The following BOC variants were observed in gnomAD, a reference collection of about 807,000 sequenced individuals.
The protein encoded by BOC is BOC cell adhesion associated, oncogene regulated.
Under a neutral mutation model 112.0 loss-of-function variants are expected in BOC, and 76 were observed. The observed-to-expected ratio is 0.68, with a 90% CI of 0.56 to 0.82. The LOEUF is 0.82. Among genes scored for constraint, BOC ranks in the 40% least tolerant of loss-of-function variants. BOC has a pLI of 0.00. For synonymous variants in BOC, 580 were observed against 599.8 expected (o/e 0.97, Z 0.48); for missense variants, 1,309 against 1,511.7 (o/e 0.87, Z 2.22).
chr3:113,219,484 G>A (rs1940153923), intron 2 of BOC, among the ~76,000 whole-genome samples: 1 of 152,236 alleles, frequency 6.6e-6, no homozygotes, highest in Admixed American at 6.5e-5. Context: ...TTAAATAATT[G>A]TAGGGACTTG....
intron 18 of BOC, among the ~76,000 whole-genome samples, chr3:113,285,115 A>G (rs1405903960): frequency 1.3e-5 from 2 of 152,238 alleles, no homozygotes; most frequent in African/African-American, 4.8e-5. Flanking sequence ...AGCACCCACC[A>G]CAACTGACTT....
At chr3:113,260,053 T>C (rs1425906044) in intron 4 of BOC, among the ~76,000 whole-genome samples, 1 of 152,194 alleles carries the variant, frequency 6.6e-6, no homozygotes, top group Non-Finnish European at 1.5e-5. Context: ...CCGGCTTCCT[T>C]AGTACCTTGG....
At chr3:113,233,148 GGTGTGTGTGTGT>G (rs59444901) in intron 2 of BOC, among the ~76,000 whole-genome samples, 57 of 124,026 alleles carry the variant, frequency 4.6e-4, no homozygotes, top group Middle Eastern at 3.9e-3. Context: ...AAAGGATTGG[GGTGTGTGTGTGT>G]GTGTGTGTGT....
At chr3:113,215,474 A>G (rs1236141296) in intron 1 of BOC, among the ~76,000 whole-genome samples, 2 of 152,172 alleles carry the variant, frequency 1.3e-5, no homozygotes, top group African/African-American at 2.4e-5. Context: ...CTCTACTGCC[A>G]CCCAGTTAGA....
chr3:113,283,610 G>A lies in BOC; in HGVS notation c.2634G>A (p.Leu878=). The change falls in exon 16 of 20, where the codon TTG becomes TTA. Residue 878 remains leucine, a synonymous_variant. Coordinates refer to ENST00000682979, the MANE Select transcript of BOC (RefSeq NM_001378074.1). ...LIIVTFIPFC[L]WRAWSKQKHT... The stretch of plus-strand genomic sequence containing the variant: ...TCGTCACCTTCATCCCCTTCTGCTT[G>A]TGGAGGGCCTGGTCTAAGCAAAGTG... 1 of 1,613,744 alleles carries A rather than the reference G, an allele frequency of 6.2e-7. No individual in the cohort carries two copies. Among genetic ancestry groups the A allele is most frequent in the Non-Finnish European group, 8.5e-7 (1 of 1,179,958 alleles).
At chr3:113,233,148 G>GGTGTGTGTGTGTGTGTGTGT (rs59444901) in intron 2 of BOC, among the ~76,000 whole-genome samples, 1 of 123,960 alleles carries the variant, frequency 8.1e-6, no homozygotes, top group Non-Finnish European at 1.7e-5. Context: ...AAAGGATTGG[G>GGTGTGTGTGTGTGTGTGTGT]GTGTGTGTGT....
chr3:113,278,233 A>T lies in BOC; in HGVS notation c.1681A>T (p.Thr561Ser), dbSNP rs887308881. 1 of 1,614,218 alleles carries T rather than the reference A, an allele frequency of 6.2e-7. No homozygotes were observed. Among genetic ancestry groups the T allele is most frequent in the Non-Finnish European group, 8.5e-7 (1 of 1,180,038 alleles). Residue 561 changes from threonine (T) to serine (S), a missense_variant, in exon 10 of 20, where the codon ACA (threonine) becomes TCA (serine). Physicochemically the swap from Thr to Ser is moderately conservative, Grantham distance 58. Coordinates refer to ENST00000682979, the MANE Select transcript of BOC (RefSeq NM_001378074.1). This position sits in a 1 kb window ranked among gnomAD's most constrained non-coding sequence, Gnocchi z 4.2. Reference sequence around the variant, plus strand: ...TTACAACTGTGCGGGAGAGGGCCAGACAGCCATGGTCACCTTCCGAACTGG... The same window carrying T: ...TTACAACTGTGCGGGAGAGGGCCAGTCAGCCATGGTCACCTTCCGAACTGG... ...AAYNCAGEGQ[T>S]AMVTFRTGRR...
intron 2 of BOC, among the ~76,000 whole-genome samples, chr3:113,219,710 C>T (rs576383109): frequency 6.6e-6 from 1 of 152,324 alleles, no homozygotes; most frequent in African/African-American, 2.4e-5. Context: ...AAATTTAAAA[C>T]TGGGACTACA....
At chr3:113,254,431 G>A (rs1270322092) in intron 4 of BOC, among the ~76,000 whole-genome samples, 1 of 152,154 alleles carries the variant, frequency 6.6e-6, no homozygotes, top group East Asian at 1.9e-4. Flanking sequence ...AGTGAAAGGG[G>A]TGCTGTCTTT....
chr3:113,271,142 C>T, intron 6 of BOC, 198 bp downstream of exon 6: 2 of 747,248 alleles, frequency 2.7e-6, no homozygotes, highest in Non-Finnish European at 4.7e-6. Flanking sequence ...CAGCATCTCA[C>T]AGCACACAGC....
chr3:113,270,464 C>T (rs972638692), intron 5 of BOC: 3 of 241,748 alleles, frequency 1.2e-5, no homozygotes, highest in Non-Finnish European at 2.4e-5. Flanking sequence ...TGGCTGATTC[C>T]AAATCCTGCT....
intron 4 of BOC, among the ~76,000 whole-genome samples, chr3:113,260,667 T>TAGAATAGAAC (rs1466077581): frequency 1.2e-4 from 15 of 126,402 alleles, no homozygotes; most frequent in African/African-American, 4.8e-4. Flanking sequence ...TAGAATAGAA[T>TAGAATAGAAC]AGAACAGAAC....
intron 4 of BOC, among the ~76,000 whole-genome samples, chr3:113,254,829 A>G (rs1946058128): frequency 6.6e-6 from 1 of 152,182 alleles, no homozygotes. Context: ...TTGAGGATTC[A>G]GGGGTGGAGG....
chr3:113,259,752 GA>G (rs1282461268), intron 4 of BOC, among the ~76,000 whole-genome samples: 3 of 152,042 alleles, frequency 2.0e-5, no homozygotes, highest in African/African-American at 7.2e-5. Context: ...TAAACAAAAG[GA>G]AAAAAACTTG....
Position 113,287,237 on chromosome 3 carries a change from G to A in BOC, c.*375G>A, listed in dbSNP as rs1429636453. On this transcript the variant is annotated 3_prime_UTR_variant, in exon 20 of 20. Coordinates refer to ENST00000682979, the MANE Select transcript of BOC (RefSeq NM_001378074.1). ...GGTTCATCACGAGCATGAGGGAACA[G>A]CAAGGGGCACGGTATCACAGCCTGG... The A allele has an allele frequency of 1.4e-5, 5 of 359,636 alleles. No individual in the cohort carries two copies. Among genetic ancestry groups the A allele is most frequent in the Admixed American group, 7.9e-5 (2 of 25,320 alleles). 22.3% of individuals were successfully genotyped at this position (359,636 alleles called of 1,614,324 possible).
rs1948871071 is a variant in BOC at position 113,278,495 on chromosome 3, A to G, written c.1706-178A>G. Among the ~76,000 whole-genome samples the G allele has an allele frequency of 6.6e-6, 1 of 151,966 alleles. No individual in the cohort carries two copies. Among genetic ancestry groups the G allele is most frequent in the Non-Finnish European group, 1.5e-5 (1 of 67,980 alleles). On this transcript the variant is annotated intron_variant, in intron 10 of 19. Coordinates refer to ENST00000682979, the MANE Select transcript of BOC (RefSeq NM_001378074.1). The surrounding 1 kb of genome is among the most constrained non-coding windows in gnomAD (Gnocchi z 4.2). ...TCCCTCTCTCACACAGGGGCCAGCA[A>G]TAGTACCACAACAGAACCAGTCTCG...
intron 3 of BOC, among the ~76,000 whole-genome samples, chr3:113,250,191 C>T (rs934045405): frequency 3.3e-5 from 5 of 152,196 alleles, no homozygotes; most frequent in Non-Finnish European, 7.3e-5. Flanking sequence ...GCAATTTACA[C>T]ATATCGTTTG....
intron 1 of BOC, among the ~76,000 whole-genome samples, chr3:113,214,768 A>G (rs1448905764): frequency 6.6e-6 from 1 of 152,192 alleles, no homozygotes; most frequent in African/African-American, 2.4e-5. Flanking sequence ...AACATATGTA[A>G]CTTCTTGTCA....
intron 7 of BOC, 129 bp from the exon 8 acceptor site, chr3:113,272,940 A>G (rs1948288259): frequency 2.4e-6 from 3 of 1,239,730 alleles, no homozygotes; most frequent in East Asian, 4.7e-5. Flanking sequence ...CCTTCCCTCT[A>G]CTCTGCCCAT....
Sources: allele counts gnomAD v4.1 joint callset (sites outside exome capture counted in the v4.1 genomes callset), GRCh38; gene constraint gnomAD v4.1.1; non-coding constraint Gnocchi (gnomAD v3.1); transcripts MANE v1.5; gene names NCBI Gene and HGNC (gene_info 2026-07-23, HGNC 2026-07-21).